Variants in OXR1 observed in about 807,000 individuals in gnomAD.
OXR1 encodes oxidation resistance 1, also known as oxidation resistance protein 1.
A neutral mutation model predicts 104.6 loss-of-function variants in OXR1; 41 were observed. The observed-to-expected ratio is 0.39, with a 90% CI of 0.31 to 0.51. The LOEUF (loss-of-function observed/expected upper bound fraction) is 0.51. Among genes scored for constraint, OXR1 ranks in the 20% least tolerant of loss-of-function variants. The probability of loss-of-function intolerance (pLI) is 0.77; values close to 1 mark genes in which losing one functional copy is unlikely to be tolerated. For synonymous variants in OXR1, 348 were observed against 348.4 expected (o/e 1.00, Z 0.01); for missense variants, 955 against 1,031.9 (o/e 0.93, Z 1.02).
At chr8:106,304,064 T>C (rs568820884) in intron 1 of OXR1, among the ~76,000 whole-genome samples, 1 of 152,328 alleles carries the variant, frequency 6.6e-6, no homozygotes, top group South Asian at 2.1e-4. Context: ...ATTGTAATCC[T>C]GACTAAATGT....
intron 1 of OXR1, among the ~76,000 whole-genome samples, chr8:106,298,913 T>G (rs1813115498): frequency 9.5e-6 from 1 of 105,000 alleles, no homozygotes; most frequent in Non-Finnish European, 1.8e-5. Context: ...AAAGATGCAT[T>G]TATATATATA....
intron 2 of OXR1, among the ~76,000 whole-genome samples, chr8:106,493,860 C>A (rs1811255778): frequency 6.6e-6 from 1 of 151,906 alleles, no homozygotes; most frequent in Non-Finnish European, 1.5e-5. Flanking sequence ...GCAGTGTAAG[C>A]TAAAGGTAAG....
intron 3 of OXR1, chr8:106,618,101 T>A (rs1821389549): frequency 6.5e-7 from 1 of 1,535,992 alleles, no homozygotes; most frequent in Non-Finnish European, 8.7e-7. Context: ...TCAAAATTCC[T>A]GTCTCCTCTT....
At chr8:106,557,187 T>C (rs1816348236) in intron 3 of OXR1, among the ~76,000 whole-genome samples, 1 of 152,186 alleles carries the variant, frequency 6.6e-6, no homozygotes, top group African/African-American at 2.4e-5. Flanking sequence ...CCTGTTCTAA[T>C]TGAGGAAATA....
intron 2 of OXR1, among the ~76,000 whole-genome samples, chr8:106,514,976 A>C (rs1199577152): frequency 1.3e-5 from 2 of 152,074 alleles, no homozygotes; most frequent in Non-Finnish European, 2.9e-5. Context: ...ACTTAAATTT[A>C]ATTTTGAAAT....
chr8:106,623,917 T>C (rs1173298569), intron 3 of OXR1, among the ~76,000 whole-genome samples: 1 of 152,230 alleles, frequency 6.6e-6, no homozygotes, highest in Non-Finnish European at 1.5e-5. Flanking sequence ...CCTCAATCTA[T>C]TCCTTCTGAC....
chr8:106,412,233 C>T (rs761784673), intron 2 of OXR1, among the ~76,000 whole-genome samples: 3 of 152,024 alleles, frequency 2.0e-5, no homozygotes, highest in Non-Finnish European at 4.4e-5. Context: ...CTGGCTGCCC[C>T]AGGCTTTTTG....
intron 11 of OXR1, among the ~76,000 whole-genome samples, chr8:106,721,708 C>T (rs931850262): frequency 6.6e-6 from 1 of 152,130 alleles, no homozygotes; most frequent in Non-Finnish European, 1.5e-5. Flanking sequence ...AACCTCTATA[C>T]TATTATTCAA....
At chr8:106,672,935 TA>T (rs1483840061) in intron 3 of OXR1, among the ~76,000 whole-genome samples, 2 of 152,218 alleles carry the variant, frequency 1.3e-5, no homozygotes, top group Non-Finnish European at 2.9e-5. Flanking sequence ...GTGAGTTAGT[TA>T]AACCTCTTTC....
intron 15 of OXR1, among the ~76,000 whole-genome samples, chr8:106,744,564 A>G (rs1330251393): frequency 6.6e-6 from 1 of 152,200 alleles, no homozygotes; most frequent in Non-Finnish European, 1.5e-5. Context: ...AAGCATAAAA[A>G]ATAAATTATT....
chr8:106,326,553 A>G (rs1814476371), intron 1 of OXR1, among the ~76,000 whole-genome samples: 1 of 152,242 alleles, frequency 6.6e-6, no homozygotes, highest in Non-Finnish European at 1.5e-5. Context: ...TCTCAGCCAG[A>G]GATGTTTCAG....
At chr8:106,346,310 C>T (rs1210400335) in intron 1 of OXR1, among the ~76,000 whole-genome samples, 1 of 152,124 alleles carries the variant, frequency 6.6e-6, no homozygotes, top group African/African-American at 2.4e-5. Context: ...ACTAAAACCT[C>T]TCTACTTGTG....
At chr8:106,317,001 G>C (rs1813993810) in intron 1 of OXR1, among the ~76,000 whole-genome samples, 1 of 152,090 alleles carries the variant, frequency 6.6e-6, no homozygotes. Flanking sequence ...CTCCTGAGTA[G>C]CTGGGATTAC....
At chr8:106,525,465 A>C (rs868340230) in intron 3 of OXR1, among the ~76,000 whole-genome samples, 1 of 152,232 alleles carries the variant, frequency 6.6e-6, no homozygotes, top group Non-Finnish European at 1.5e-5. Context: ...CAGCTAAAAG[A>C]TTCTTCTGTC....
chr8:106,367,758 G>C (rs1375943814), intron 2 of OXR1, among the ~76,000 whole-genome samples: 1 of 152,224 alleles, frequency 6.6e-6, no homozygotes, highest in Non-Finnish European at 1.5e-5. Flanking sequence ...GATAGAGTAT[G>C]ATGGTAGAGG....
At chr8:106,540,300 G>T (rs904958514) in intron 3 of OXR1, among the ~76,000 whole-genome samples, 1 of 152,142 alleles carries the variant, frequency 6.6e-6, no homozygotes, top group Admixed American at 6.6e-5. Flanking sequence ...TCTAAAGCCC[G>T]TGGGTAAAAG....
chr8:106,616,312 C>A (rs1449397993), intron 3 of OXR1, among the ~76,000 whole-genome samples: 1 of 148,240 alleles, frequency 6.7e-6, no homozygotes, highest in African/African-American at 2.5e-5. Flanking sequence ...CCGCCCACCT[C>A]AGCCTCCCAA....
At chr8:106,683,416 T>A (rs1186726624) in intron 5 of OXR1, 110 bp downstream of exon 5, 1 of 517,442 alleles carries the variant, frequency 1.9e-6, no homozygotes, top group East Asian at 2.9e-5. Flanking sequence ...TAATTTTATA[T>A]GTGCTTTTAA....
intron 3 of OXR1, among the ~76,000 whole-genome samples, chr8:106,672,767 A>G (rs983465263): frequency 3.3e-5 from 5 of 152,108 alleles, no homozygotes; most frequent in African/African-American, 9.7e-5. Context: ...TTCTTGTGAT[A>G]GTGAGGTCTC....
Sources: allele counts gnomAD v4.1 joint callset (sites outside exome capture counted in the v4.1 genomes callset), GRCh38; gene constraint gnomAD v4.1.1; transcripts MANE v1.5; gene names NCBI Gene and HGNC (gene_info 2026-07-23, HGNC 2026-07-21).